BET1: variants seen among roughly 807,000 people sequenced by gnomAD.
BET1 encodes BET1 homolog.
A neutral mutation model predicts 13.9 loss-of-function variants in BET1; 9 were observed. That is an observed-to-expected ratio of 0.65 (90% CI 0.39 to 1.13). BET1 has a LOEUF of 1.13. Among genes scored for constraint, BET1 ranks in the 50% most tolerant of loss-of-function variants. BET1 has a pLI of 0.01. For synonymous variants in BET1, 39 were observed against 47.3 expected, an observed-to-expected ratio of 0.82 and a Z score of 0.72; for missense variants, 127 against 133.6, an observed-to-expected ratio of 0.95 and a Z score of 0.24.
intron 4 of BET1, among the ~76,000 whole-genome samples, chr7:93,981,152 C>T (rs754033580): frequency 2.4e-4 from 36 of 152,134 alleles, no homozygotes; most frequent in Non-Finnish European, 4.7e-4. Context: ...GGTGTTTCTA[C>T]ACAAATTCAG....
intron 5 of BET1, among the ~76,000 whole-genome samples, chr7:93,974,326 C>T (rs1584126325): frequency 6.6e-6 from 1 of 152,016 alleles, no homozygotes; most frequent in East Asian, 1.9e-4. Context: ...GTAAGCACAC[C>T]TGTCACCCAG....
At chr7:93,994,612 C>T (rs1209448316) in intron 3 of BET1, among the ~76,000 whole-genome samples, 1 of 152,208 alleles carries the variant, frequency 6.6e-6, no homozygotes. Flanking sequence ...CCAATAAACA[C>T]TTCTTTCAGC....
Position 93,968,054 on chromosome 7 carries a change from C to T in BET1, c.*138-2367G>A, listed in dbSNP as rs746560324. ...ATAATGAGCACATTCAATTCACAAACATTTCAATTTGGTTATGAGCTCACT... is the reference window on the plus strand; with the variant it reads ...ATAATGAGCACATTCAATTCACAAATATTTCAATTTGGTTATGAGCTCACT... On this transcript the variant is annotated intron_variant and NMD_transcript_variant, in intron 6 of 6. Coordinates refer to the BET1 transcript ENST00000357520. Among the ~76,000 whole-genome samples the T allele has an allele frequency of 8.0e-4, 121 of 151,724 alleles. 1 individual carries two copies. Among genetic ancestry groups the T allele is most frequent in the Non-Finnish European group, 3.2e-4 (22 of 67,762 alleles).
intron 4 of BET1, among the ~76,000 whole-genome samples, chr7:93,986,324 G>C (rs1795527270): frequency 6.6e-6 from 1 of 152,176 alleles, no homozygotes; most frequent in African/African-American, 2.4e-5. Context: ...GACCTAAAGA[G>C]CTGAGTTTCT....
chr7:93,973,817 A>G (rs1399815950), intron 5 of BET1, among the ~76,000 whole-genome samples: 1 of 152,032 alleles, frequency 6.6e-6, no homozygotes, highest in Non-Finnish European at 1.5e-5. Context: ...AAGAACCCCA[A>G]CTAGAATACA....
rs1014371219 is a variant in BET1, at chr7:94,004,351, T to C, written c.-135A>G. 8 of 1,208,970 alleles carry C rather than the reference T, an allele frequency of 6.6e-6. No homozygotes were observed. Among genetic ancestry groups the C allele is most frequent in the African/African-American group, 1.5e-5 (1 of 66,596 alleles). The allele number at this position is 1,208,970 out of a possible 1,614,324, so 74.9% of individuals were successfully genotyped here. Reference sequence around the variant, plus strand: ...CTTCTTCCCCTAAAGCGCCACGACATCAGTGGAGTCTAAACACCGCGCCGG... The same window carrying C: ...CTTCTTCCCCTAAAGCGCCACGACACCAGTGGAGTCTAAACACCGCGCCGG... On this transcript the variant is annotated 5_prime_UTR_variant, in exon 1 of 4. It removes an upstream start codon present in the reference 5' UTR. Coordinates refer to ENST00000222547, the MANE Select transcript of BET1 (RefSeq NM_005868.6).
At chr7:93,997,995 G>T (rs1795809111) in intron 2 of BET1, among the ~76,000 whole-genome samples, 1 of 152,218 alleles carries the variant, frequency 6.6e-6, no homozygotes, top group Non-Finnish European at 1.5e-5. Flanking sequence ...GAGGGAGGGG[G>T]TGCAATGAAG....
At chr7:93,976,337 C>T (rs941949016) in intron 4 of BET1, among the ~76,000 whole-genome samples, 2 of 134,862 alleles carry the variant, frequency 1.5e-5, no homozygotes, top group African/African-American at 3.1e-5. Flanking sequence ...TTAAAGATAT[C>T]TACTTATTGT....
At chr7:93,993,033 T>C (rs1233026366), downstream of BET1, 104 of 983,466 alleles carry the variant, frequency 1.1e-4, no homozygotes, top group Non-Finnish European at 1.2e-4. Flanking sequence ...ACAAAAAGAA[T>C]TGAAAACTCA....
chr7:93,980,357 TC>T (rs147613015), intron 4 of BET1, among the ~76,000 whole-genome samples: 42 of 152,136 alleles, frequency 2.8e-4, no homozygotes, highest in African/African-American at 9.6e-4. Context: ...AGGCCAATAA[TC>T]CTGAAGATCA....
chr7:93,975,773 A>G (rs992525913), intron 5 of BET1: 21 of 344,836 alleles, frequency 6.1e-5, no homozygotes, highest in East Asian at 3.8e-4. Context: ...GGAAAATGCT[A>G]CTTTCTCTTG....
At chr7:93,962,789 T>A (rs1308043205) in exon 7 of BET1, 1 of 151,592 alleles carries the variant, frequency 6.6e-6, no homozygotes, top group Non-Finnish European at 1.5e-5. Context: ...CAGATAAACC[T>A]TTATTAAAAA....
downstream of BET1, among the ~76,000 whole-genome samples, chr7:93,990,981 C>A (rs1046525303): frequency 3.3e-5 from 5 of 152,098 alleles, no homozygotes; most frequent in Admixed American, 3.3e-4. Context: ...GTGAAAAATT[C>A]TTCTAAAAGG....
chr7:93,999,598 T>G (rs894577040), intron 1 of BET1: 2 of 468,216 alleles, frequency 4.3e-6, no homozygotes, highest in African/African-American at 4.0e-5. Context: ...CAGGATACAT[T>G]CCCTGCTCAA....
chr7:93,994,786 C>T (rs1381877819), intron 3 of BET1, among the ~76,000 whole-genome samples: 1 of 152,198 alleles, frequency 6.6e-6, no homozygotes, highest in Non-Finnish European at 1.5e-5. Context: ...TTGACTGCTA[C>T]CCAAGTAGAG....
intron 4 of BET1, chr7:93,976,124 A>T (rs1235129350): frequency 8.6e-7 from 1 of 1,161,636 alleles, no homozygotes; most frequent in Non-Finnish European, 1.1e-6. Flanking sequence ...TGGAGATCTT[A>T]GTTTCTAAAT....
downstream of BET1, chr7:93,993,192 C>T: frequency 3.0e-6 from 3 of 984,890 alleles, no homozygotes; most frequent in Non-Finnish European, 3.6e-6. Flanking sequence ...TCTGAGTTGT[C>T]AGGACCATTT....
intron 5 of BET1, among the ~76,000 whole-genome samples, chr7:93,972,955 A>G (rs1795281740): frequency 6.6e-6 from 1 of 151,608 alleles, no homozygotes; most frequent in African/African-American, 2.4e-5. Flanking sequence ...TATCTTCTGC[A>G]TATCATTTAT....
At chr7:93,990,249 C>A (rs1459792433), downstream of BET1, among the ~76,000 whole-genome samples, 2 of 151,830 alleles carry the variant, frequency 1.3e-5, no homozygotes, top group Non-Finnish European at 2.9e-5. Context: ...GTTCTACTTT[C>A]CTTAAAAATA....
Sources: allele counts gnomAD v4.1 joint callset (sites outside exome capture counted in the v4.1 genomes callset), GRCh38; gene constraint gnomAD v4.1.1; transcripts MANE v1.5; gene names NCBI Gene and HGNC (gene_info 2026-07-23, HGNC 2026-07-21).